Variants in ENTREP2 observed in about 807,000 individuals in gnomAD.
ENTREP2 encodes the protein protein ENTREP2.
chr15:29,336,975 T>C, the ENTREP2 span, among the ~76,000 whole-genome samples: 2 of 152,214 alleles, frequency 1.3e-5, no homozygotes, highest in East Asian at 3.8e-4. Context: ...GTGAGCATCT[T>C]ACAGATCTCC....
At chr15:29,587,167 G>GTGTGTA in the ENTREP2 span, among the ~76,000 whole-genome samples, 5 of 140,778 alleles carry the variant, frequency 3.6e-5, no homozygotes, top group Non-Finnish European at 8.0e-5. Flanking sequence ...GTGTGTGTGT[G>GTGTGTA]TGTGTGTGTG....
the ENTREP2 span, among the ~76,000 whole-genome samples, chr15:29,391,966 A>G: frequency 1.3e-5 from 2 of 152,196 alleles, no homozygotes; most frequent in Admixed American, 6.5e-5. Context: ...CTGGGACTAC[A>G]GGTGCCTGCC....
the ENTREP2 span, among the ~76,000 whole-genome samples, chr15:29,630,731 A>T: frequency 6.6e-6 from 1 of 152,182 alleles, no homozygotes; most frequent in African/African-American, 2.4e-5. Flanking sequence ...TCTGTCACCC[A>T]GGCTGGAGTG....
the ENTREP2 span, among the ~76,000 whole-genome samples, chr15:29,207,705 T>C: frequency 6.6e-6 from 1 of 152,062 alleles, no homozygotes; most frequent in Admixed American, 6.5e-5. Context: ...GTTCTCCAAG[T>C]CCCCACTCCA....
At chr15:29,298,110 G>T in the ENTREP2 span, among the ~76,000 whole-genome samples, 1 of 152,070 alleles carries the variant, frequency 6.6e-6, no homozygotes, top group Admixed American at 6.6e-5. Flanking sequence ...ATAACAAAAA[G>T]ATACTAGAAA....
chr15:29,366,824 AGAT>A, the ENTREP2 span, among the ~76,000 whole-genome samples: 3 of 152,242 alleles, frequency 2.0e-5, no homozygotes, highest in Non-Finnish European at 2.9e-5. Context: ...AAACACTCCA[AGAT>A]GATTAAGAAC....
the ENTREP2 span, chr15:29,452,598 TAAG>T: frequency 0.5 from 75,518 of 151,662 alleles, 19,813 homozygotes; most frequent in South Asian, 0.62. Flanking sequence ...TGCAGATTCT[TAAG>T]AAGAACAGAC....
the ENTREP2 span, among the ~76,000 whole-genome samples, chr15:29,638,357 G>C: frequency 6.6e-6 from 1 of 152,170 alleles, no homozygotes; most frequent in East Asian, 1.9e-4. Flanking sequence ...CAAGGGCATA[G>C]TCCCTGCAAG....
At chr15:29,221,922 G>C in the ENTREP2 span, among the ~76,000 whole-genome samples, 1 of 152,136 alleles carries the variant, frequency 6.6e-6, no homozygotes, top group Non-Finnish European at 1.5e-5. Flanking sequence ...GTTAACTTGG[G>C]AAAACAGTGT....
the ENTREP2 span, among the ~76,000 whole-genome samples, chr15:29,574,113 CACG>C: frequency 7.8e-3 from 1,183 of 152,232 alleles, 12 homozygotes; most frequent in African/African-American, 0.027. Context: ...TGGCACTGAT[CACG>C]ACAACTCATT....
the ENTREP2 span, among the ~76,000 whole-genome samples, chr15:29,651,565 C>T: frequency 6.6e-6 from 1 of 152,202 alleles, no homozygotes; most frequent in East Asian, 1.9e-4. Flanking sequence ...GCAGTCTGCA[C>T]CCTTGGGGGC....
chr15:29,650,767 C>T, the ENTREP2 span, among the ~76,000 whole-genome samples: 2 of 152,138 alleles, frequency 1.3e-5, no homozygotes, highest in Admixed American at 6.6e-5. Context: ...GCTTTCTGTA[C>T]TGCTTCTGAG....
chr15:29,369,344 T>G, the ENTREP2 span, among the ~76,000 whole-genome samples: 1 of 152,072 alleles, frequency 6.6e-6, no homozygotes, highest in African/African-American at 2.4e-5. Flanking sequence ...GATCAGTGAC[T>G]TACCACATAC....
At chr15:29,289,364 A>G in the ENTREP2 span, among the ~76,000 whole-genome samples, 3 of 152,154 alleles carry the variant, frequency 2.0e-5, no homozygotes, top group Admixed American at 2.0e-4. Flanking sequence ...ATGAGACACC[A>G]TGACTCACCA....
chr15:29,534,016 C>T, the ENTREP2 span, among the ~76,000 whole-genome samples: 1 of 148,294 alleles, frequency 6.7e-6, no homozygotes, highest in Non-Finnish European at 1.5e-5. Context: ...GTGCTGCTGC[C>T]TATAGAAACG....
the ENTREP2 span, among the ~76,000 whole-genome samples, chr15:29,253,022 A>G: frequency 3.3e-5 from 5 of 152,242 alleles, no homozygotes; most frequent in African/African-American, 4.8e-5. Context: ...CAGGCATCAT[A>G]TAATTTTACC....
chr15:29,219,602 C>A, the ENTREP2 span, among the ~76,000 whole-genome samples: 1 of 103,402 alleles, frequency 9.7e-6, no homozygotes, highest in African/African-American at 3.6e-5. Flanking sequence ...TACAAAGGAA[C>A]TGTGGTGCAT....
At chr15:29,134,232 A>G in the ENTREP2 span, among the ~76,000 whole-genome samples, 1 of 152,222 alleles carries the variant, frequency 6.6e-6, no homozygotes, top group African/African-American at 2.4e-5. Flanking sequence ...TCAGCTTTAT[A>G]AAAACACCTA....
chr15:29,359,618 G>A, the ENTREP2 span, among the ~76,000 whole-genome samples: 14 of 152,180 alleles, frequency 9.2e-5, no homozygotes, highest in African/African-American at 2.2e-4. Context: ...TCACCCTGTT[G>A]GCCAGGATGG....
Sources: gnomAD v4.1 joint callset for allele counts (sites outside exome capture counted in the v4.1 genomes callset) on GRCh38, gnomAD v4.1.1 for gene constraint, MANE v1.5 for transcripts, NCBI Gene and HGNC (gene_info 2026-07-23, HGNC 2026-07-21) for gene names.